The following HIVEP1 variants were observed in gnomAD, a reference collection of about 807,000 sequenced individuals.
The protein encoded by HIVEP1 is zinc finger protein 40.
HIVEP1 carries 36 observed loss-of-function variants against 180.0 expected under a neutral mutation model. The ratio of observed to expected loss-of-function variants is 0.20; its 90% CI spans 0.15 to 0.26. HIVEP1 has a LOEUF of 0.26. HIVEP1 is among the 10% of genes least tolerant of loss of function. The pLI is 1.00. For synonymous variants in HIVEP1, 1,239 were observed against 1,239.0 expected (o/e 1.00, Z 0.00); for missense variants, 3,143 against 3,268.7 (o/e 0.96, Z 0.94).
At chr6:12,032,875 AG>A (rs1412891359) in intron 2 of HIVEP1, among the ~76,000 whole-genome samples, 2 of 152,214 alleles carry the variant, frequency 1.3e-5, no homozygotes, top group Non-Finnish European at 2.9e-5. Flanking sequence ...TATTTCTTTC[AG>A]GGTACATTTT....
the HIVEP1 span, among the ~76,000 whole-genome samples, chr6:12,197,894 A>T: frequency 6.6e-6 from 1 of 152,166 alleles, no homozygotes; most frequent in Admixed American, 6.5e-5. Context: ...GCTATTTAGG[A>T]GGTAAAATGG....
At chr6:12,205,556 C>G in the HIVEP1 span, among the ~76,000 whole-genome samples, 1 of 151,990 alleles carries the variant, frequency 6.6e-6, no homozygotes, top group Non-Finnish European at 1.5e-5. Flanking sequence ...TTGGGCAAGG[C>G]TACTATTTTG....
At chr6:12,188,902 G>T in the HIVEP1 span, among the ~76,000 whole-genome samples, 1 of 151,844 alleles carries the variant, frequency 6.6e-6, no homozygotes. Context: ...AAATTCTGAA[G>T]AAAGATTAAT....
chr6:12,123,073 T>C lies in HIVEP1; in HGVS notation c.3278T>C (p.Ile1093Thr), dbSNP rs751425102. The stretch of plus-strand genomic sequence containing the variant: ...AATATACAGTTGCAAAACTCCCATA[T>C]TCACCTTGTTGCCAGGGGCCCTGAG... ...HKNIQLQNSH[I>T]HLVARGPEQT... Residue 1093 changes from isoleucine to threonine, a missense_variant, in exon 4 of 9, where the codon ATT becomes ACT. Physicochemically the swap from Ile to Thr is moderately conservative, Grantham distance 89. Around this residue, in one of 12 missense-constraint regions of HIVEP1, gnomAD observed 1,357 missense variants for 1,260.5 expected, o/e 1.08. Transcript: ENST00000379388. The C allele has an allele frequency of 3.1e-6, 5 of 1,614,194 alleles. No individual in the cohort carries two copies. The highest frequency in any genetic ancestry group is 4.2e-6 in the Non-Finnish European group (5 of 1,180,012).
At chr6:12,032,204 G>T (rs905181806) in intron 2 of HIVEP1, among the ~76,000 whole-genome samples, 1 of 148,642 alleles carries the variant, frequency 6.7e-6, no homozygotes, top group African/African-American at 2.5e-5. Context: ...GTAGTGGCGC[G>T]ATTTCGGCTC....
At chr6:12,029,295 C>T (rs375672717) in intron 2 of HIVEP1, among the ~76,000 whole-genome samples, 2 of 152,182 alleles carry the variant, frequency 1.3e-5, no homozygotes, top group East Asian at 1.9e-4. Flanking sequence ...TGTTCTTTCA[C>T]GTTGAACTTT....
Position 12,164,577 on chromosome 6 carries a change from A to T in HIVEP1, c.*116A>T. ...TAAACTCATGACTAATCTTTGTGCA[A>T]TCATGAACTTTTGACCAATAATTGT... On this transcript the variant is annotated 3_prime_UTR_variant, in exon 9 of 9. Transcript: ENST00000379388. 1.2e-6 allele frequency: 1 copy of T among 809,682 alleles called. No individual in the cohort carries two copies. The highest frequency in any genetic ancestry group is 1.9e-6 in the Non-Finnish European group (1 of 531,994). The allele number at this position is 809,682 out of a possible 1,614,324, so 50.2% of individuals were successfully genotyped here. A position where few individuals can be genotyped will look rare whatever the true frequency, so the allele number is the denominator to read the frequency against.
At chr6:12,059,368 TG>T (rs1227166973) in intron 2 of HIVEP1, among the ~76,000 whole-genome samples, 2 of 150,180 alleles carry the variant, frequency 1.3e-5, no homozygotes, top group Admixed American at 6.6e-5. Context: ...CTACATTTTT[TG>T]GGGGGCGGGG....
In HIVEP1 at chr6:12,125,419, C is replaced by T. The variant is rs1758000656; in HGVS notation, c.5624C>T (p.Pro1875Leu). The change falls in exon 4 of 9, where the codon CCT becomes CTT. Residue 1875 changes from proline to leucine, a missense_variant. Transcript: ENST00000379388. ...TTAACTCTTACAGTTCGAAGTTCAC[C>T]TGCTCCTTCAGAAAATACTCATATT... ...TSLTLTVRSSPAPSENTHISP... is the reference protein window; with the variant it reads ...TSLTLTVRSSLAPSENTHISP... 1.9e-6 allele frequency: 3 copies of T among 1,614,038 alleles called. No homozygotes were observed. The highest frequency in any genetic ancestry group is 2.5e-6 in the Non-Finnish European group (3 of 1,179,930).
At chr6:12,016,464 G>GA (rs1350252906) in intron 2 of HIVEP1, among the ~76,000 whole-genome samples, 1 of 151,996 alleles carries the variant, frequency 6.6e-6, no homozygotes, top group Non-Finnish European at 1.5e-5. Flanking sequence ...TACCATTACA[G>GA]AAAAAAAATT....
chr6:12,161,493 A>G lies in HIVEP1; in HGVS notation c.6542A>G (p.Asp2181Gly), dbSNP rs1207775967. 6.2e-7 allele frequency: 1 copy of G among 1,613,526 alleles called. No individual in the cohort carries two copies. The highest frequency in any genetic ancestry group is 8.5e-7 in the Non-Finnish European group (1 of 1,179,512). The part of the protein sequence containing the change: ...ERSGYDLEES[D>G]GPDEDDNENE... ...TCTGGATATGATCTTGAAGAATCTG[A>G]TGGCCCAGATGAGGATGACAATGAA... The change falls in exon 8 of 9, where the codon GAT (aspartate) becomes GGT (glycine). Residue 2181 changes from aspartate to glycine, a missense_variant. Around this residue, in one of 12 missense-constraint regions of HIVEP1, gnomAD observed 126 missense variants for 168.5 expected, o/e 0.75. Coordinates refer to ENST00000379388, the MANE Select transcript of HIVEP1 (RefSeq NM_002114.4).
chr6:12,121,016 T>C lies in HIVEP1; in HGVS notation c.1221T>C (p.Ile407=). ...AGCCAAAAAAACAAGGAAAATATAT[T>C]TGTGAGTATTGCAATAGAGCATGTG... ...DQKPKKQGKY[I]CEYCNRACAK... is the part of the protein sequence containing the mutation. Residue 407 remains isoleucine (I), a synonymous_variant, in exon 4 of 9, where the codon ATT becomes ATC. Transcript: ENST00000379388. This position sits in a 1 kb window ranked among gnomAD's most constrained non-coding sequence, Gnocchi z 5.3. 3 of 1,614,166 alleles carry C rather than the reference T, an allele frequency of 1.9e-6. No individual in the cohort carries two copies. The highest frequency in any genetic ancestry group is 2.5e-6 in the Non-Finnish European group (3 of 1,180,014).
Position 12,125,547 on chromosome 6 carries a change from A to G in HIVEP1, c.5752A>G (p.Thr1918Ala), listed in dbSNP as rs2113541044. The change falls in exon 4 of 9, where the codon ACT becomes GCT. Residue 1918 changes from threonine to alanine, a missense_variant. By Grantham distance (58) the Thr-to-Ala change is moderately conservative (BLOSUM62 0). This residue lies in a region of HIVEP1 where 1,357 missense variants were observed against 1,260.5 expected (regional missense o/e 1.08). Transcript: ENST00000379388. Reference protein sequence around the residue: ...NIQEQSQQPVTSLSLFNIKDT... With the variant: ...NIQEQSQQPVASLSLFNIKDT... ...CCAAGAGCAAAGTCAACAGCCAGTCACTTCTCTTTCATTGTTTAACATCAA... is the reference window on the plus strand; with the variant it reads ...CCAAGAGCAAAGTCAACAGCCAGTCGCTTCTCTTTCATTGTTTAACATCAA... 1 of 1,614,174 alleles carries G rather than the reference A, an allele frequency of 6.2e-7. No individual in the cohort carries two copies. The highest frequency in any genetic ancestry group is 8.5e-7 in the Non-Finnish European group (1 of 1,180,018).
chr6:12,011,900 C>G (rs1331321923), upstream of HIVEP1: 1 of 125,390 alleles, frequency 8.0e-6, no homozygotes, highest in Non-Finnish European at 1.7e-5. Flanking sequence ...CCGCCCGCGG[C>G]CTCCCCTCCT....
At chr6:12,192,667 T>C in the HIVEP1 span, among the ~76,000 whole-genome samples, 156 of 152,278 alleles carry the variant, frequency 1.0e-3, no homozygotes, top group African/African-American at 3.6e-3. Context: ...GCTTCCCCTT[T>C]GCCCTTCCTC....
intron 2 of HIVEP1, among the ~76,000 whole-genome samples, chr6:12,028,145 GT>G (rs137941164): frequency 0.044 from 6,696 of 152,240 alleles, 189 homozygotes; most frequent in Middle Eastern, 0.15. Context: ...ATCGGTAACT[GT>G]TAACATGTTT....
intron 2 of HIVEP1, among the ~76,000 whole-genome samples, chr6:12,070,812 G>A (rs1581624247): frequency 6.6e-6 from 1 of 152,092 alleles, no homozygotes; most frequent in Non-Finnish European, 1.5e-5. Context: ...TTAGGTTACC[G>A]TTTATTTCCC....
intron 2 of HIVEP1, among the ~76,000 whole-genome samples, chr6:12,021,742 T>G (rs1392914074): frequency 6.6e-6 from 1 of 152,208 alleles, no homozygotes; most frequent in Non-Finnish European, 1.5e-5. Flanking sequence ...CTTGGCTCAC[T>G]GCAACCTCCG....
chr6:12,020,560 G>A lies in HIVEP1; in HGVS notation c.40+4892G>A, dbSNP rs537215696. 6.8e-4 allele frequency: 274 copies of A among 402,202 alleles called. 2 individuals are homozygous for A. Among genetic ancestry groups the A allele is most frequent in the African/African-American group, 5.2e-3 (253 of 48,742 alleles). The allele number at this position is 402,202 out of a possible 1,614,324, so 24.9% of individuals were successfully genotyped here. A position where few individuals can be genotyped will look rare whatever the true frequency, so the allele number is the denominator to read the frequency against. On this transcript the variant is annotated intron_variant, in intron 2 of 8. Transcript: ENST00000379388. ...CATGGAATGGAGGAGTTGGTGACTT[G>A]CAGGGGGTTCCATGCCTCTTCCGTT...
Sources: gnomAD v4.1 joint callset for allele counts (sites outside exome capture counted in the v4.1 genomes callset) on GRCh38, gnomAD v4.1.1 for gene constraint, gnomAD v4.1.1 regional missense constraint, Gnocchi (gnomAD v3.1) non-coding constraint, MANE v1.5 for transcripts, NCBI Gene and HGNC (gene_info 2026-07-23, HGNC 2026-07-21) for gene names.